The following GDPD4 variants were observed in gnomAD, a reference collection of about 807,000 sequenced individuals.
The protein encoded by GDPD4 is glycerophosphodiester phosphodiesterase domain containing 4.
Under a neutral mutation model 67.8 loss-of-function variants are expected in GDPD4, and 60 were observed. The observed-to-expected ratio is 0.88, with a 90% CI of 0.72 to 1.10. The LOEUF is 1.10. Ranked by LOEUF, GDPD4 falls within the 50% of genes least tolerant of loss-of-function variation. GDPD4 has a pLI of 0.00. For synonymous variants in GDPD4, 212 were observed against 210.9 expected, an observed-to-expected ratio of 1.00 and a Z score of -0.04; for missense variants, 623 against 613.9, an observed-to-expected ratio of 1.01 and a Z score of -0.16.
intron 12 of GDPD4, 46 bp from the exon 13 acceptor site, chr11:77,243,894 A>G (rs1958727299): frequency 1.4e-6 from 2 of 1,386,828 alleles, no homozygotes; most frequent in Non-Finnish European, 2.0e-6. Context: ...TCAGCTATCC[A>G]GGTACGAACA....
At chr11:77,300,701 C>T (rs1938131575) in intron 1 of GDPD4, among the ~76,000 whole-genome samples, 1 of 152,056 alleles carries the variant, frequency 6.6e-6, no homozygotes, top group South Asian at 2.1e-4. Flanking sequence ...TTTAATAAAC[C>T]TTGACATCTT....
intron 15 of GDPD4, among the ~76,000 whole-genome samples, chr11:77,228,145 C>G (rs939986422): frequency 6.6e-6 from 1 of 151,366 alleles, no homozygotes; most frequent in Non-Finnish European, 1.5e-5. Context: ...CTGAGGCAGG[C>G]GGATCACCTG....
rs34894831 is a variant in GDPD4 at position 77,255,168 on chromosome 11, T to TAA, written c.864+3216_864+3217dup. ...CATGCTAAAACAGAGCTATTAATGC[T>TAA]AAAAAAATGCCTACCAAAAGTCACT... On this transcript the variant is annotated intron_variant, in intron 11 of 16. Transcript: ENST00000315938. Among the ~76,000 whole-genome samples the TAA allele has an allele frequency of 9.8e-3, 1,489 of 151,902 alleles. 31 individuals carry two copies. The highest frequency in any genetic ancestry group is 0.033 in the African/African-American group (1,365 of 41,386).
chr11:77,220,662 TTC>T (rs1456376228), intron 16 of GDPD4, among the ~76,000 whole-genome samples: 1 of 46,008 alleles, frequency 2.2e-5, no homozygotes, highest in African/African-American at 7.2e-5. Context: ...TGGTCTAAAA[TTC>T]TCTTTTTTTG....
chr11:77,272,190 AAT>A (rs1959249123), intron 5 of GDPD4, among the ~76,000 whole-genome samples: 2 of 152,244 alleles, frequency 1.3e-5, no homozygotes, highest in Admixed American at 1.3e-4. Flanking sequence ...TTAAGGAAGA[AAT>A]ATTTCCAATC....
chr11:77,231,796 T>G (rs369519217), intron 14 of GDPD4, among the ~76,000 whole-genome samples: 1 of 152,038 alleles, frequency 6.6e-6, no homozygotes, highest in African/African-American at 2.4e-5. Context: ...GAAAAACACA[T>G]AGTATATACA....
chr11:77,241,942 T>A (rs934302710), intron 13 of GDPD4, among the ~76,000 whole-genome samples: 22 of 151,580 alleles, frequency 1.5e-4, no homozygotes, highest in African/African-American at 3.4e-4. Context: ...AAAAAAAAAA[T>A]AAATAAATAA....
At chr11:77,290,040 A>C (rs1474857913) in intron 1 of GDPD4, among the ~76,000 whole-genome samples, 1 of 152,220 alleles carries the variant, frequency 6.6e-6, no homozygotes, top group African/African-American at 2.4e-5. Context: ...AGACATCCAG[A>C]TAGTGGAAGC....
chr11:77,242,382 T>C (rs932333878), intron 13 of GDPD4, among the ~76,000 whole-genome samples: 1 of 152,190 alleles, frequency 6.6e-6, no homozygotes, highest in Admixed American at 6.5e-5. Flanking sequence ...GGCAATTCTA[T>C]ACTCATATAC....
Position 77,216,995 on chromosome 11 carries a change from A to C in GDPD4, c.*282T>G. The C allele has an allele frequency of 1.4e-6, 1 of 703,096 alleles. No individual in the cohort carries two copies. The highest frequency in any genetic ancestry group is 2.3e-4 in the Middle Eastern group (1 of 4,358). The allele number at this position is 703,096 out of a possible 1,614,324, so 43.6% of individuals were successfully genotyped here. The stretch of plus-strand genomic sequence containing the variant: ...TGGCTTATCCACCTTCAGGGTGGGC[A>C]ATGTAGTTTGAAAGGTAGCCTCACT... On this transcript the variant is annotated 3_prime_UTR_variant, in exon 17 of 17. Coordinates refer to ENST00000315938, the MANE Select transcript of GDPD4 (RefSeq NM_182833.3).
chr11:77,217,931 G>A (rs1482782305), intron 16 of GDPD4, among the ~76,000 whole-genome samples: 1 of 152,180 alleles, frequency 6.6e-6, no homozygotes, highest in Non-Finnish European at 1.5e-5. Context: ...AGAAGAGTGT[G>A]AGAATCTAAA....
At chr11:77,232,439 A>G (rs886075197) in intron 14 of GDPD4, among the ~76,000 whole-genome samples, 2 of 152,246 alleles carry the variant, frequency 1.3e-5, no homozygotes, top group African/African-American at 2.4e-5. Context: ...AGATAGTGAT[A>G]GGATTTGGCT....
intron 14 of GDPD4, among the ~76,000 whole-genome samples, chr11:77,230,486 G>C (rs1958432031): frequency 6.6e-6 from 1 of 152,200 alleles, no homozygotes; most frequent in African/African-American, 2.4e-5. Context: ...ACAAGGGTTT[G>C]AGGGATTATA....
At chr11:77,226,359 G>T (rs1958337662) in intron 16 of GDPD4, among the ~76,000 whole-genome samples, 1 of 152,106 alleles carries the variant, frequency 6.6e-6, no homozygotes, top group Non-Finnish European at 1.5e-5. Context: ...AAGGTTAAAT[G>T]AAGCCATAAG....
chr11:77,248,372 G>T (rs750326724), intron 11 of GDPD4, among the ~76,000 whole-genome samples: 70 of 151,382 alleles, frequency 4.6e-4, no homozygotes, highest in Non-Finnish European at 8.9e-4. Context: ...CCAGCTCATT[G>T]TTGTATTTTT....
chr11:77,259,695 G>C (rs753771706), intron 10 of GDPD4, among the ~76,000 whole-genome samples: 66 of 152,188 alleles, frequency 4.3e-4, no homozygotes, highest in Non-Finnish European at 5.4e-4. Context: ...TGAGAAGAAA[G>C]AGATTAGAGT....
Position 77,233,013 on chromosome 11 carries a change from C to T in GDPD4, c.1389+12G>A, listed in dbSNP as rs1958482219. On this transcript the variant is annotated intron_variant, in intron 14 of 16. Transcript: ENST00000315938. Reference sequence around the variant, plus strand: ...ACCAAGCCTGGAAGAACAATCTGGACAACCAGCTCACCATGAAGAAGTGAG... The same window carrying T: ...ACCAAGCCTGGAAGAACAATCTGGATAACCAGCTCACCATGAAGAAGTGAG... 6.2e-7 allele frequency: 1 copy of T among 1,613,482 alleles called. No individual in the cohort carries two copies. Among genetic ancestry groups the T allele is most frequent in the South Asian group, 1.1e-5 (1 of 91,052 alleles).
chr11:77,258,252 G>C (rs938108487), intron 11 of GDPD4, 134 bp downstream of exon 11: 2 of 819,768 alleles, frequency 2.4e-6, no homozygotes, highest in Non-Finnish European at 4.0e-6. Flanking sequence ...CAATACTATA[G>C]TCCTGCTACC....
intron 4 of GDPD4, among the ~76,000 whole-genome samples, chr11:77,278,599 T>C (rs951893578): frequency 4.6e-5 from 7 of 152,198 alleles, no homozygotes; most frequent in African/African-American, 1.7e-4. Flanking sequence ...TTCATGCAAA[T>C]AGCAACATAT....
Sources: allele counts gnomAD v4.1 joint callset (sites outside exome capture counted in the v4.1 genomes callset), GRCh38; gene constraint gnomAD v4.1.1; transcripts MANE v1.5; gene names NCBI Gene and HGNC (gene_info 2026-07-23, HGNC 2026-07-21).